The following LDLRAD2 variants were observed in gnomAD, a reference collection of about 807,000 sequenced individuals.
LDLRAD2 encodes the protein low density lipoprotein receptor class A domain containing 2, also known as low-density lipoprotein receptor class A domain-containing protein 2.
A neutral mutation model predicts 24.9 loss-of-function variants in LDLRAD2; 25 were observed. The ratio of observed to expected loss-of-function variants is 1.00; its 90% CI spans 0.73 to 1.40. The LOEUF (loss-of-function observed/expected upper bound fraction) is 1.40. Ranked by LOEUF, LDLRAD2 falls within the 40% of genes most tolerant of loss-of-function variation. LDLRAD2 has a pLI of 0.00. For missense variants in LDLRAD2, 391 were observed against 366.2 expected (o/e 1.07, Z -0.55); for synonymous variants, 182 against 166.7 (o/e 1.09, Z -0.71).
Position 21,812,387 on chromosome 1 carries a change from T to C in LDLRAD2, c.-65T>C. ...CCTGACCAGGCCCCATACTCCAGTCTCCCCAGAGACCCCAAGCTGAAGATT... is the reference window on the plus strand; with the variant it reads ...CCTGACCAGGCCCCATACTCCAGTCCCCCCAGAGACCCCAAGCTGAAGATT... On this transcript the variant is annotated 5_prime_UTR_variant, in exon 1 of 5. Transcript: ENST00000344642. 2.2e-6 allele frequency: 3 copies of C among 1,359,660 alleles called. No homozygotes were observed. The allele number at this position is 1,359,660 out of a possible 1,614,324, so 84.2% of individuals were successfully genotyped here.
At chr1:21,819,751 G>A (rs1321962129) in intron 3 of LDLRAD2, among the ~76,000 whole-genome samples, 2 of 152,012 alleles carry the variant, frequency 1.3e-5, no homozygotes, top group Non-Finnish European at 2.9e-5. Context: ...ATGTGAGTGC[G>A]TATTAGTCCA....
At chr1:21,821,730 A>C in intron 4 of LDLRAD2, 119 bp downstream of exon 4, 1 of 1,524,516 alleles carries the variant, frequency 6.6e-7, no homozygotes, top group South Asian at 1.3e-5. Context: ...ACAGGCCCCC[A>C]GCTCTGAGGG....
At position 21,822,866 on chromosome 1, in the gene LDLRAD2, T is replaced by A. The variant is rs1049910272; in HGVS notation, c.*651T>A. ...AGCCGGCACTAAAGACAATTCCCAA[T>A]CCTGAGTGGGTGGCAGAGACTCCTG... On this transcript the variant is annotated 3_prime_UTR_variant, in exon 5 of 5. Transcript: ENST00000344642. 1.2e-5 allele frequency: 2 copies of A among 163,302 alleles called. No homozygotes were observed. The highest frequency in any genetic ancestry group is 3.6e-4 in the South Asian group (2 of 5,612). 10.1% of individuals were successfully genotyped at this position (163,302 alleles called of 1,614,324 possible).
At chr1:21,815,168 C>T (rs2097942607) in intron 2 of LDLRAD2, among the ~76,000 whole-genome samples, 1 of 152,178 alleles carries the variant, frequency 6.6e-6, no homozygotes, top group Non-Finnish European at 1.5e-5. Context: ...CACGTTCACA[C>T]CTCACACTCT....
chr1:21,824,938 A>T lies in LDLRAD2; in HGVS notation c.*2723A>T, dbSNP rs972790248. On this transcript the variant is annotated 3_prime_UTR_variant, in exon 5 of 5. Coordinates refer to ENST00000344642, the MANE Select transcript of LDLRAD2 (RefSeq NM_001013693.3). The surrounding 1 kb of genome is among the most constrained non-coding windows in gnomAD (Gnocchi z 5.9). ...CGGGGGCTGCCAACAGAATTCAGGG[A>T]GCCTATGACCTTGGATGGGAAAGCA... 1.4e-6 allele frequency: 1 copy of T among 700,036 alleles called. No homozygotes were observed. The allele number at this position is 700,036 out of a possible 1,614,324, so 43.4% of individuals were successfully genotyped here. A position where few individuals can be genotyped will look rare whatever the true frequency, so the allele number is the denominator to read the frequency against.
intron 3 of LDLRAD2, among the ~76,000 whole-genome samples, chr1:21,818,472 A>G (rs1297201881): frequency 6.6e-6 from 1 of 152,186 alleles, no homozygotes; most frequent in African/African-American, 2.4e-5. Context: ...TACTTTTCTC[A>G]TGAAAAGACT....
rs1171669071 is a variant in LDLRAD2 at position 21,824,001 on chromosome 1, C to G, written c.*1786C>G. The G allele has an allele frequency of 9.5e-7, 1 of 1,050,452 alleles. No homozygotes were observed. The allele number at this position is 1,050,452 out of a possible 1,614,324, so 65.1% of individuals were successfully genotyped here. On this transcript the variant is annotated 3_prime_UTR_variant, in exon 5 of 5. Transcript: ENST00000344642. The surrounding 1 kb of genome is among the most constrained non-coding windows in gnomAD (Gnocchi z 5.9). Reference sequence around the variant, plus strand: ...CCCTGGCTGGTGGGTTCTCCCCTCCCCTGGCTTCAAGTTCTGTCTCCACAG... The same window carrying G: ...CCCTGGCTGGTGGGTTCTCCCCTCCGCTGGCTTCAAGTTCTGTCTCCACAG...
At chr1:21,816,132 A>G in intron 3 of LDLRAD2, 58 bp downstream of exon 3, 1 of 1,589,652 alleles carries the variant, frequency 6.3e-7, no homozygotes, top group Non-Finnish European at 8.5e-7. Context: ...CCTGGCCCTA[A>G]CTCCCCTTCC....
In LDLRAD2 at chr1:21,814,752, G is replaced by T; in HGVS notation, c.440G>T (p.Gly147Val). The T allele has an allele frequency of 6.6e-7, 1 of 1,516,436 alleles. No individual in the cohort carries two copies. 93.9% of individuals were successfully genotyped at this position (1,516,436 alleles called of 1,614,324 possible). A position where few individuals can be genotyped will look rare whatever the true frequency, so the allele number is the denominator to read the frequency against. Reference sequence around the variant, plus strand: ...GTGGCATCCTCCGGACCCTTTCTAGGCCTGCGCCTGGTCACGAGAGGCCGC... The same window carrying T: ...GTGGCATCCTCCGGACCCTTTCTAGTCCTGCGCCTGGTCACGAGAGGCCGC... ...VPVASSGPFL[G>V]LRLVTRGRQP... The change falls in exon 2 of 5, where the codon GGC becomes GTC. Residue 147 changes from glycine (G) to valine (V), a missense_variant. Gly to Val is a moderately radical substitution (Grantham distance 109). Coordinates refer to ENST00000344642, the MANE Select transcript of LDLRAD2 (RefSeq NM_001013693.3).
chr1:21,823,303 G>C lies in LDLRAD2; in HGVS notation c.*1088G>C, dbSNP rs1286456865. 1.1e-5 allele frequency: 16 copies of C among 1,519,370 alleles called. No homozygotes were observed. Among genetic ancestry groups the C allele is most frequent in the Admixed American group, 2.0e-5 (1 of 48,828 alleles). 94.1% of individuals were successfully genotyped at this position (1,519,370 alleles called of 1,614,324 possible). The stretch of plus-strand genomic sequence containing the variant: ...GGGCGTGGCCCGGGAGTCCGTGTGG[G>C]GCAGGCAGGTGCCTACGAGGGGCAG... On this transcript the variant is annotated 3_prime_UTR_variant, in exon 5 of 5. Coordinates refer to ENST00000344642, the MANE Select transcript of LDLRAD2 (RefSeq NM_001013693.3).
In LDLRAD2 at chr1:21,823,479, G is replaced by A. The variant is rs1199346628; in HGVS notation, c.*1264G>A. 1 of 1,600,932 alleles carries A rather than the reference G, an allele frequency of 6.2e-7. No individual in the cohort carries two copies. Among genetic ancestry groups the A allele is most frequent in the East Asian group, 2.2e-5 (1 of 44,588 alleles). ...GCCCCCGGTCAGCGTGGCCACGTCA[G>A]GGGCTCCGCCTGCCGGGAGGTGAGA... On this transcript the variant is annotated 3_prime_UTR_variant, in exon 5 of 5. Coordinates refer to ENST00000344642, the MANE Select transcript of LDLRAD2 (RefSeq NM_001013693.3).
intron 3 of LDLRAD2, among the ~76,000 whole-genome samples, chr1:21,819,133 G>C (rs1158330563): frequency 6.6e-6 from 1 of 151,940 alleles, no homozygotes; most frequent in Non-Finnish European, 1.5e-5. Context: ...CAGCACTTTG[G>C]GAGGCCGAGG....
At chr1:21,818,361 C>A (rs1277901052) in intron 3 of LDLRAD2, among the ~76,000 whole-genome samples, 1 of 152,244 alleles carries the variant, frequency 6.6e-6, no homozygotes, top group Admixed American at 6.5e-5. Context: ...CTCCCCTTGG[C>A]TGTGGCAGTT....
At chr1:21,818,305 C>T (rs1018764224) in intron 3 of LDLRAD2, among the ~76,000 whole-genome samples, 3 of 152,258 alleles carry the variant, frequency 2.0e-5, no homozygotes, top group African/African-American at 4.8e-5. Context: ...AGCCTCCGCA[C>T]CCGGCCTCAT....
intron 3 of LDLRAD2, among the ~76,000 whole-genome samples, chr1:21,818,887 T>G (rs1466607794): frequency 7.7e-5 from 2 of 25,912 alleles, no homozygotes; most frequent in East Asian, 2.1e-3. Context: ...GCCCCACCCC[T>G]CCCTGGCCCC....
chr1:21,819,366 T>C (rs2097947694), intron 3 of LDLRAD2, among the ~76,000 whole-genome samples: 1 of 151,814 alleles, frequency 6.6e-6, no homozygotes, highest in Non-Finnish European at 1.5e-5. Context: ...AGAGCGAAAC[T>C]GTCTCAAAAA....
intron 3 of LDLRAD2, among the ~76,000 whole-genome samples, chr1:21,819,486 C>CTTTATAAA: frequency 6.7e-6 from 1 of 149,714 alleles, no homozygotes; most frequent in Middle Eastern, 3.5e-3. Flanking sequence ...TATAAATTAC[C>CTTTATAAA]TTTATAAATT....
chr1:21,816,363 G>A (rs950675650), intron 3 of LDLRAD2, among the ~76,000 whole-genome samples: 4 of 152,236 alleles, frequency 2.6e-5, no homozygotes, highest in Non-Finnish European at 5.9e-5. Context: ...CTGCTTAACT[G>A]GATGGTGGGC....
chr1:21,821,692 C>A, intron 4 of LDLRAD2, 81 bp downstream of exon 4: 2 of 1,568,610 alleles, frequency 1.3e-6, no homozygotes, highest in Non-Finnish European at 1.7e-6. Flanking sequence ...AGGACCCAGG[C>A]CGAGGCCTGA....
Sources: allele counts gnomAD v4.1 joint callset (sites outside exome capture counted in the v4.1 genomes callset), GRCh38; gene constraint gnomAD v4.1.1; non-coding constraint Gnocchi (gnomAD v3.1); transcripts MANE v1.5; gene names NCBI Gene and HGNC (gene_info 2026-07-23, HGNC 2026-07-21).